MYH10: variants seen among roughly 807,000 people sequenced by gnomAD.
The protein encoded by MYH10 is myosin heavy chain 10, also known as myosin-10.
A neutral mutation model predicts 257.8 loss-of-function variants in MYH10; 55 were observed. The observed-to-expected ratio is 0.21, with a 90% CI of 0.17 to 0.27. MYH10 has a LOEUF of 0.27. MYH10 is among the 10% of genes least tolerant of loss of function. The pLI, the probability that MYH10 is intolerant of heterozygous loss-of-function variation, is 1.00. For missense variants in MYH10, 1,631 were observed against 2,500.6 expected, an observed-to-expected ratio of 0.65 and a Z score of 7.42; for synonymous variants, 854 against 921.7, an observed-to-expected ratio of 0.93 and a Z score of 1.33.
At chr17:8,579,054 A>T (rs1297609126) in intron 4 of MYH10, among the ~76,000 whole-genome samples, 1 of 152,162 alleles carries the variant, frequency 6.6e-6, no homozygotes, top group Non-Finnish European at 1.5e-5. Context: ...AGGCCGGAGA[A>T]TCGCTTTAGC....
intron 2 of MYH10, among the ~76,000 whole-genome samples, chr17:8,619,137 C>A (rs2085373909): frequency 6.6e-6 from 1 of 152,220 alleles, no homozygotes; most frequent in Non-Finnish European, 1.5e-5. Context: ...GTCCTTTAGG[C>A]ATACTTACCA....
chr17:8,502,817 TG>T (rs1218164655), intron 28 of MYH10, among the ~76,000 whole-genome samples: 1 of 152,204 alleles, frequency 6.6e-6, no homozygotes, highest in Non-Finnish European at 1.5e-5. Flanking sequence ...TTTAGTTTTT[TG>T]CAAGGGTTGG....
chr17:8,503,785 G>A (rs1246338289), intron 28 of MYH10, among the ~76,000 whole-genome samples: 1 of 152,182 alleles, frequency 6.6e-6, no homozygotes, highest in East Asian at 1.9e-4. Context: ...AACTCCCCAG[G>A]GTGATGGGCT....
chr17:8,576,577 A>G, intron 6 of MYH10, 66 bp downstream of exon 6: 4 of 1,443,716 alleles, frequency 2.8e-6, no homozygotes, highest in South Asian at 2.5e-5. Flanking sequence ...TCTAGCAGAG[A>G]CTCAATCTAC....
intron 7 of MYH10, among the ~76,000 whole-genome samples, chr17:8,562,982 A>G (rs1243631005): frequency 6.6e-6 from 1 of 152,234 alleles, no homozygotes; most frequent in African/African-American, 2.4e-5. Context: ...AAACTAGATT[A>G]GTTATTAGTT....
At chr17:8,615,506 T>C (rs536146542) in intron 2 of MYH10, among the ~76,000 whole-genome samples, 54 of 152,298 alleles carry the variant, frequency 3.5e-4, no homozygotes, top group African/African-American at 1.3e-3. Flanking sequence ...AGGAAAATTT[T>C]AAGTTAATCT....
rs773249364 is a variant in MYH10 at position 8,490,261 on chromosome 17, G to C, written c.4884+79C>G. The stretch of plus-strand genomic sequence containing the variant: ...TGTTTACTCAGATGTGTTCTAACAC[G>C]AATGAACAGGATACTGACCCAGAGC... On this transcript the variant is annotated intron_variant, in intron 35 of 42. Coordinates refer to ENST00000360416, the MANE Select transcript of MYH10 (RefSeq NM_001256012.3). The surrounding 1 kb of genome is among the most constrained non-coding windows in gnomAD (Gnocchi z 4.1). 8.0e-7 allele frequency: 1 copy of C among 1,252,958 alleles called. No individual in the cohort carries two copies. The highest frequency in any genetic ancestry group is 1.2e-5 in the South Asian group (1 of 83,336). 77.6% of individuals were successfully genotyped at this position (1,252,958 alleles called of 1,614,324 possible). A position where few individuals can be genotyped will look rare whatever the true frequency, so the allele number is the denominator to read the frequency against.
At chr17:8,592,967 A>ATATATATATATATG in intron 3 of MYH10, among the ~76,000 whole-genome samples, 1 of 127,244 alleles carries the variant, frequency 7.9e-6, no homozygotes. Flanking sequence ...ATATATATAT[A>ATATATATATATATG]TATAAAAGAT....
chr17:8,624,487 T>C (rs2152111178), intron 1 of MYH10, among the ~76,000 whole-genome samples: 1 of 152,324 alleles, frequency 6.6e-6, no homozygotes, highest in South Asian at 2.1e-4. Context: ...GTACCTACTC[T>C]TGCTCTATCA....
intron 17 of MYH10, among the ~76,000 whole-genome samples, chr17:8,527,555 G>A (rs934866799): frequency 3.3e-5 from 5 of 152,182 alleles, no homozygotes; most frequent in Admixed American, 2.0e-4. Flanking sequence ...CACTATGAGC[G>A]ATACTAGACT....
Position 8,481,332 on chromosome 17 carries a change from C to T in MYH10, c.5254G>A (p.Ala1752Thr), listed in dbSNP as rs150930070. ...DELADEITNS[A>T]SGKSALLDEK... ...CCGTGGGAGACTCACTTGCCAGAGG[C>T]GCTGTTGGTGATCTCGTCCGCCAGC... Residue 1752 changes from alanine to threonine, a missense_variant, in exon 38 of 43, where the codon GCC becomes ACC. Transcript: ENST00000360416. 26 of 1,613,768 alleles carry T rather than the reference C, an allele frequency of 1.6e-5. No individual in the cohort carries two copies. Among genetic ancestry groups the T allele is most frequent in the Admixed American group, 6.7e-5 (4 of 60,006 alleles).
At chr17:8,595,511 C>T (rs879307536) in intron 3 of MYH10, among the ~76,000 whole-genome samples, 1 of 142,392 alleles carries the variant, frequency 7.0e-6, no homozygotes, top group Non-Finnish European at 1.5e-5. Flanking sequence ...CCGCTCACTG[C>T]AACCTCCGCC....
chr17:8,576,792 G>A, intron 5 of MYH10, 120 bp from the exon 6 acceptor site: 3 of 893,412 alleles, frequency 3.4e-6, no homozygotes, highest in East Asian at 2.7e-5. Flanking sequence ...TGGGTTGGCT[G>A]GCGTTCTCTC....
intron 3 of MYH10, among the ~76,000 whole-genome samples, chr17:8,593,995 AAC>A (rs1323926515): frequency 3.9e-5 from 6 of 152,214 alleles, no homozygotes; most frequent in Admixed American, 3.9e-4. Flanking sequence ...AGATCAAAGG[AAC>A]AGAGAGTCCT....
At chr17:8,511,061 C>CATATATATATATATATATATGT (rs1567823709) in intron 24 of MYH10, 7 of 65,654 alleles carry the variant, frequency 1.1e-4, no homozygotes, top group Non-Finnish European at 1.8e-4. Context: ...TATATATATA[C>CATATATATATATATATATATGT]ACACATACAT....
At chr17:8,520,232 T>C (rs1009413622) in intron 19 of MYH10, among the ~76,000 whole-genome samples, 7 of 152,178 alleles carry the variant, frequency 4.6e-5, no homozygotes, top group Non-Finnish European at 1.0e-4. Context: ...AAAATAATTA[T>C]GTTAGGCCTG....
At chr17:8,590,790 G>C (rs1265091979) in intron 3 of MYH10, among the ~76,000 whole-genome samples, 1 of 150,852 alleles carries the variant, frequency 6.6e-6, no homozygotes, top group East Asian at 1.9e-4. Context: ...GATATCTCCT[G>C]CATGTCCCTT....
chr17:8,588,306 T>C (rs903508555), intron 4 of MYH10, among the ~76,000 whole-genome samples: 1 of 152,006 alleles, frequency 6.6e-6, no homozygotes, highest in Non-Finnish European at 1.5e-5. Context: ...AACCCACATA[T>C]CCAAGAGCCC....
At chr17:8,601,450 T>C (rs1467776651) in intron 3 of MYH10, among the ~76,000 whole-genome samples, 3 of 152,250 alleles carry the variant, frequency 2.0e-5, no homozygotes, top group African/African-American at 7.2e-5. Flanking sequence ...CCTTTCACTA[T>C]TTCCACCCAG....
Sources: allele counts gnomAD v4.1 joint callset (sites outside exome capture counted in the v4.1 genomes callset), GRCh38; gene constraint gnomAD v4.1.1; non-coding constraint Gnocchi (gnomAD v3.1); transcripts MANE v1.5; gene names NCBI Gene and HGNC (gene_info 2026-07-23, HGNC 2026-07-21).